Variants in UNC80 observed in about 807,000 individuals in gnomAD.
UNC80 encodes protein unc-80 homolog.
A neutral mutation model predicts 384.6 loss-of-function variants in UNC80; 164 were observed. The ratio of observed to expected loss-of-function variants is 0.43; its 90% CI spans 0.38 to 0.49. The LOEUF is 0.49. Among genes scored for constraint, UNC80 ranks in the 20% least tolerant of loss-of-function variants. UNC80 has a pLI of 0.00. For missense variants in UNC80, 3,330 were observed against 4,143.0 expected, an observed-to-expected ratio of 0.80 and a Z score of 5.39; for synonymous variants, 1,486 against 1,527.8, an observed-to-expected ratio of 0.97 and a Z score of 0.64.
At chr2:209,929,649 C>G (rs2090697510) in intron 36 of UNC80, among the ~76,000 whole-genome samples, 1 of 152,136 alleles carries the variant, frequency 6.6e-6, no homozygotes, top group Non-Finnish European at 1.5e-5. Flanking sequence ...TTGCTGATAC[C>G]TGAAGACAAC....
At chr2:209,820,762 A>C in intron 13 of UNC80, 83 bp downstream of exon 13, 1 of 1,428,248 alleles carries the variant, frequency 7.0e-7, no homozygotes, top group Non-Finnish European at 9.3e-7. Flanking sequence ...AGTTTATTGA[A>C]TCTGAACAGC....
At position 209,993,516 on chromosome 2, in the gene UNC80, G is replaced by C. The variant is rs191806622; in HGVS notation, c.9508+90G>C. 3.9e-5 allele frequency: 42 copies of C among 1,071,442 alleles called. No individual in the cohort carries two copies. The Admixed American group carries it at 5.8e-4, about 15-fold the overall frequency. The allele number at this position is 1,071,442 out of a possible 1,614,324, so 66.4% of individuals were successfully genotyped here. A position where few individuals can be genotyped will look rare whatever the true frequency, so the allele number is the denominator to read the frequency against. On this transcript the variant is annotated intron_variant, in intron 63 of 64. Transcript: ENST00000673920. ...GGCTTACAAAAACCAAGCTGATGGA[G>C]ATAAGCACACCTTTGGGGAGGTGCT...
At chr2:209,797,443 G>A (rs1268967413) in intron 7 of UNC80, among the ~76,000 whole-genome samples, 2 of 152,124 alleles carry the variant, frequency 1.3e-5, no homozygotes, top group African/African-American at 2.4e-5. Context: ...CTGTTCCTGT[G>A]TTAGTTTGCT....
intron 29 of UNC80, among the ~76,000 whole-genome samples, chr2:209,907,636 G>A (rs112619855): frequency 0.02 from 3,023 of 152,250 alleles, 111 homozygotes; most frequent in African/African-American, 0.068. Flanking sequence ...CTGCACAGGC[G>A]GCTCGAGACC....
intron 59 of UNC80, among the ~76,000 whole-genome samples, chr2:209,981,184 T>C (rs571808140): frequency 6.6e-6 from 1 of 152,348 alleles, no homozygotes; most frequent in East Asian, 1.9e-4. Context: ...TCAAAGAATA[T>C]TAGTGTTCAT....
chr2:209,913,706 C>A, intron 30 of UNC80, 96 bp from the exon 31 acceptor site: 1 of 1,307,654 alleles, frequency 7.6e-7, no homozygotes, highest in Non-Finnish European at 1.0e-6. Context: ...TCACTTAAGG[C>A]AAGCAGAGAG....
rs2081604625 is a variant in UNC80, at chr2:209,839,803, C to G, written c.3250+373C>G. On this transcript the variant is annotated intron_variant, in intron 19 of 64. Transcript: ENST00000673920. The surrounding 1 kb of genome is among the most constrained non-coding windows in gnomAD (Gnocchi z 4.1). ...TACATAGTTCTACGAAAGCATGCAA[C>G]AATGAGACCTGACCTGAATGTGGGG... Among the ~76,000 whole-genome samples, 1 of 152,130 alleles carries G rather than the reference C, an allele frequency of 6.6e-6. No individual in the cohort carries two copies. Among genetic ancestry groups the G allele is most frequent in the African/African-American group, 2.4e-5 (1 of 41,412 alleles).
At chr2:209,862,431 C>T (rs1005963871) in intron 22 of UNC80, among the ~76,000 whole-genome samples, 1 of 152,074 alleles carries the variant, frequency 6.6e-6, no homozygotes, top group African/African-American at 2.4e-5. Flanking sequence ...GTGTTAAAGT[C>T]TCCCACTATT....
rs1476202572 is a variant in UNC80, at chr2:209,954,084, T to C, written c.7287-16T>C. Reference sequence around the variant, plus strand: ...GAATGTAAAAGGTGACTCGGTTTTCTTTCTGTCGCTTAAAGTCTTCAGATG... The same window carrying C: ...GAATGTAAAAGGTGACTCGGTTTTCCTTCTGTCGCTTAAAGTCTTCAGATG... On this transcript the variant is annotated splice_polypyrimidine_tract_variant and intron_variant, in intron 47 of 64. Coordinates refer to ENST00000673920, the MANE Select transcript of UNC80 (RefSeq NM_001371986.1). 11 of 1,541,206 alleles carry C rather than the reference T, an allele frequency of 7.1e-6. No individual in the cohort carries two copies. The highest frequency in any genetic ancestry group is 2.1e-5 in the Admixed American group (1 of 48,764).
chr2:209,785,882 G>A (rs984332874), intron 4 of UNC80, among the ~76,000 whole-genome samples, 184 bp from the exon 5 acceptor site: 1 of 152,182 alleles, frequency 6.6e-6, no homozygotes, highest in Admixed American at 6.5e-5. Flanking sequence ...CATAGTAATT[G>A]CAGTGATAAC....
At chr2:209,793,119 G>A (rs1239115754) in intron 6 of UNC80, among the ~76,000 whole-genome samples, 1 of 152,116 alleles carries the variant, frequency 6.6e-6, no homozygotes, top group Non-Finnish European at 1.5e-5. Context: ...TAATGCCTAT[G>A]GAAAAATATC....
At chr2:209,990,698 A>G (rs1235505246) in intron 61 of UNC80, among the ~76,000 whole-genome samples, 1 of 152,158 alleles carries the variant, frequency 6.6e-6, no homozygotes, top group Non-Finnish European at 1.5e-5. Flanking sequence ...AATTTATTGC[A>G]TTGTTCCTTT....
intron 7 of UNC80, among the ~76,000 whole-genome samples, chr2:209,807,565 G>A (rs922046799): frequency 4.0e-5 from 6 of 151,740 alleles, no homozygotes; most frequent in South Asian, 2.1e-4. Context: ...GGGTTTCACC[G>A]TGTTAGCCAG....
At chr2:209,897,028 C>T (rs2086866687) in intron 28 of UNC80, among the ~76,000 whole-genome samples, 1 of 151,968 alleles carries the variant, frequency 6.6e-6, no homozygotes, top group Non-Finnish European at 1.5e-5. Flanking sequence ...CACCATTCAC[C>T]CTGATTTTAA....
intron 22 of UNC80, among the ~76,000 whole-genome samples, chr2:209,866,441 G>C (rs1169653030): frequency 6.9e-6 from 1 of 144,262 alleles, no homozygotes; most frequent in East Asian, 2.2e-4. Flanking sequence ...TTGGGGATTG[G>C]GTAAATACCA....
At chr2:209,814,266 C>T (rs1473636894) in intron 8 of UNC80, among the ~76,000 whole-genome samples, 4 of 151,288 alleles carry the variant, frequency 2.6e-5, no homozygotes, top group East Asian at 1.9e-4. Context: ...GATGAAGTCT[C>T]GCTCTGTCGC....
At chr2:209,821,708 G>T (rs976338324) in intron 13 of UNC80, among the ~76,000 whole-genome samples, 3 of 151,934 alleles carry the variant, frequency 2.0e-5, no homozygotes, top group Admixed American at 6.6e-5. Flanking sequence ...ATCAAGAATT[G>T]GTTTTCTTTT....
intron 44 of UNC80, among the ~76,000 whole-genome samples, chr2:209,942,257 A>G (rs1346832806): frequency 6.6e-6 from 1 of 152,180 alleles, no homozygotes; most frequent in Admixed American, 6.5e-5. Context: ...TGGTCCATGA[A>G]AAAATTGTCT....
chr2:209,862,319 C>G (rs1281749222), intron 22 of UNC80, among the ~76,000 whole-genome samples: 1 of 152,136 alleles, frequency 6.6e-6, no homozygotes, highest in Non-Finnish European at 1.5e-5. Context: ...ATGGAGAGTT[C>G]TGTAGATATC....
Sources: gnomAD v4.1 joint callset for allele counts (sites outside exome capture counted in the v4.1 genomes callset) on GRCh38, gnomAD v4.1.1 for gene constraint, Gnocchi (gnomAD v3.1) non-coding constraint, MANE v1.5 for transcripts, NCBI Gene and HGNC (gene_info 2026-07-23, HGNC 2026-07-21) for gene names.